The following DOCK5 variants were observed in gnomAD, a reference collection of about 807,000 sequenced individuals.
DOCK5 encodes dedicator of cytokinesis 5.
Under a neutral mutation model 251.8 loss-of-function variants are expected in DOCK5, and 142 were observed. The ratio of observed to expected loss-of-function variants is 0.56; its 90% CI spans 0.49 to 0.65. The LOEUF is 0.65. DOCK5 is among the 30% of genes least tolerant of loss of function. The pLI, the probability that DOCK5 is intolerant of heterozygous loss-of-function variation, is 0.00. For missense variants in DOCK5, 2,111 were observed against 2,312.3 expected, an observed-to-expected ratio of 0.91 and a Z score of 1.79; for synonymous variants, 842 against 835.5, an observed-to-expected ratio of 1.01 and a Z score of -0.13.
At chr8:25,348,214 T>G (rs1015543113) in intron 26 of DOCK5, among the ~76,000 whole-genome samples, 1 of 152,224 alleles carries the variant, frequency 6.6e-6, no homozygotes, top group Admixed American at 6.5e-5. Flanking sequence ...TTTATTTTTT[T>G]AAACATTGCA....
intron 22 of DOCK5, among the ~76,000 whole-genome samples, chr8:25,339,474 GA>G (rs1805896896): frequency 6.6e-6 from 1 of 152,174 alleles, no homozygotes; most frequent in African/African-American, 2.4e-5. Flanking sequence ...AAGGAGTAAA[GA>G]AATCAACCCC....
intron 11 of DOCK5, 93 bp downstream of exon 11, chr8:25,304,420 T>G (rs1804847409): frequency 9.0e-7 from 1 of 1,105,160 alleles, no homozygotes; most frequent in African/African-American, 1.6e-5. Context: ...GAAACCATTT[T>G]CTCAGAGAAG....
intron 1 of DOCK5, among the ~76,000 whole-genome samples, chr8:25,224,113 T>C (rs1802459866): frequency 6.6e-6 from 1 of 152,120 alleles, no homozygotes; most frequent in Non-Finnish European, 1.5e-5. Flanking sequence ...AAATCTTTGT[T>C]TTTGTTTTTT....
chr8:25,395,795 C>G (rs777399495), intron 45 of DOCK5, 76 bp downstream of exon 45: 40 of 1,466,296 alleles, frequency 2.7e-5, no homozygotes, highest in Non-Finnish European at 3.8e-5. Context: ...CCATTTGCCA[C>G]TGACAAATTC....
At chr8:25,223,253 A>G (rs1393108165) in intron 1 of DOCK5, among the ~76,000 whole-genome samples, 1 of 152,060 alleles carries the variant, frequency 6.6e-6, no homozygotes, top group Non-Finnish European at 1.5e-5. Context: ...TGATCCTCCC[A>G]CCTTGGCCTC....
At chr8:25,191,619 T>A (rs1801583833) in intron 1 of DOCK5, among the ~76,000 whole-genome samples, 2 of 152,142 alleles carry the variant, frequency 1.3e-5, no homozygotes, top group Admixed American at 1.3e-4. Context: ...TTTGAGCTGC[T>A]TTACCTGTTA....
intron 1 of DOCK5, among the ~76,000 whole-genome samples, chr8:25,237,263 G>C (rs1016430099): frequency 6.6e-6 from 1 of 152,046 alleles, no homozygotes; most frequent in South Asian, 2.1e-4. Flanking sequence ...TAGGTACTTG[G>C]GGGGATGAGG....
intron 22 of DOCK5, among the ~76,000 whole-genome samples, chr8:25,340,540 A>C (rs1395612350): frequency 6.6e-6 from 1 of 152,254 alleles, no homozygotes; most frequent in Admixed American, 6.5e-5. Flanking sequence ...TTTGGAGACA[A>C]GTAGAGTACT....
chr8:25,331,230 GACACACACAC>G (rs60869427), intron 18 of DOCK5, among the ~76,000 whole-genome samples: 20 of 140,360 alleles, frequency 1.4e-4, no homozygotes, highest in African/African-American at 2.6e-4. Context: ...GTTTCTCTGT[GACACACACAC>G]ACACACACAC....
Position 25,266,125 on chromosome 8 carries a change from ATAACT to A in DOCK5, c.128-2716_128-2712del, listed in dbSNP as rs949568258. Among the ~76,000 whole-genome samples the A allele has an allele frequency of 3.9e-4, 59 of 151,888 alleles. 1 individual carries two copies. Among genetic ancestry groups the A allele is most frequent in the African/African-American group, 1.4e-3 (56 of 41,232 alleles). On this transcript the variant is annotated intron_variant, in intron 2 of 51. Coordinates refer to ENST00000276440, the MANE Select transcript of DOCK5 (RefSeq NM_024940.8). ...CGATTCCCTTTATTTTAATGGTGTA[ATAACT>A]TAAAGCATCTGAGATCCTGCGGACC...
At chr8:25,194,660 G>A (rs1038585265) in intron 1 of DOCK5, among the ~76,000 whole-genome samples, 19 of 152,192 alleles carry the variant, frequency 1.2e-4, no homozygotes, top group South Asian at 4.1e-4. Context: ...TTCACTGGGC[G>A]TCTCCCAGTG....
intron 1 of DOCK5, among the ~76,000 whole-genome samples, chr8:25,188,131 C>A (rs903766113): frequency 5.3e-5 from 8 of 152,134 alleles, no homozygotes; most frequent in Non-Finnish European, 1.0e-4. Context: ...TTTTCCTCTT[C>A]TTTTTCTTCC....
At chr8:25,310,944 G>A (rs1805075998) in intron 13 of DOCK5, among the ~76,000 whole-genome samples, 1 of 152,178 alleles carries the variant, frequency 6.6e-6, no homozygotes, top group African/African-American at 2.4e-5. Flanking sequence ...CTCTGTTCAG[G>A]AGACTAATTG....
intron 1 of DOCK5, among the ~76,000 whole-genome samples, chr8:25,195,451 A>G (rs910828174): frequency 3.3e-5 from 5 of 151,822 alleles, no homozygotes; most frequent in African/African-American, 9.7e-5. Context: ...CCACCTTCCC[A>G]TTGCAGTTGG....
intron 27 of DOCK5, among the ~76,000 whole-genome samples, chr8:25,356,956 A>C (rs1800586938): frequency 6.8e-6 from 1 of 146,928 alleles, no homozygotes; most frequent in African/African-American, 2.5e-5. Flanking sequence ...TGCAAATTAA[A>C]TGTCAAGTCC....
intron 13 of DOCK5, among the ~76,000 whole-genome samples, chr8:25,315,433 T>C (rs2465006): frequency 0.8 from 121,906 of 152,120 alleles, 48,994 homozygotes; most frequent in Middle Eastern, 0.85. Context: ...TCTCTGGCAC[T>C]AGACTGTAAC....
intron 1 of DOCK5, among the ~76,000 whole-genome samples, chr8:25,203,174 A>T (rs1801920439): frequency 6.6e-6 from 1 of 152,236 alleles, no homozygotes; most frequent in Admixed American, 6.5e-5. Flanking sequence ...GAATCCACTG[A>T]TGACAGAATC....
At chr8:25,297,165 G>C (rs940976626) in intron 7 of DOCK5, among the ~76,000 whole-genome samples, 1 of 152,062 alleles carries the variant, frequency 6.6e-6, no homozygotes, top group African/African-American at 2.4e-5. Flanking sequence ...TGCAGTCTCA[G>C]CTCACTGCAA....
At position 25,190,775 on chromosome 8, in the gene DOCK5, G is replaced by GA. The variant is rs755511798; in HGVS notation, c.43+5824_43+5825insA. On this transcript the variant is annotated intron_variant, in intron 1 of 51. Transcript: ENST00000276440. ...AAGGCCTGGCCTTAACTTGGTCATG[G>GA]GTTTTTTTTTTTTTTTTTTTTTTTT... Among the ~76,000 whole-genome samples, 113 of 53,982 alleles carry GA rather than the reference G, an allele frequency of 2.1e-3. 5 individuals carry two copies. The highest frequency in any genetic ancestry group is 2.0e-3 in the South Asian group (3 of 1,496). 35.4% of individuals were successfully genotyped at this position (53,982 alleles called of 152,430 possible).
Sources: gnomAD v4.1 joint callset for allele counts (sites outside exome capture counted in the v4.1 genomes callset) on GRCh38, gnomAD v4.1.1 for gene constraint, MANE v1.5 for transcripts, NCBI Gene and HGNC (gene_info 2026-07-23, HGNC 2026-07-21) for gene names.